Variants in PCDHA7 observed in about 807,000 individuals in gnomAD.
PCDHA7 encodes the protein protocadherin alpha-7.
In PCDHA7, 37 loss-of-function variants were observed where a neutral mutation model predicts 57.2. The observed-to-expected ratio is 0.65, with a 90% CI of 0.50 to 0.85. The LOEUF (loss-of-function observed/expected upper bound fraction) is 0.85. Among genes scored for constraint, PCDHA7 ranks in the 40% least tolerant of loss-of-function variants. The pLI, the probability that PCDHA7 is intolerant of heterozygous loss-of-function variation, is 0.00. For synonymous variants in PCDHA7, 553 were observed against 558.8 expected, an observed-to-expected ratio of 0.99 and a Z score of 0.15; for missense variants, 1,188 against 1,241.8, an observed-to-expected ratio of 0.96 and a Z score of 0.65.
chr5:140,865,528 T>C (rs2048902393), intron 1 of PCDHA7: 1 of 152,220 alleles, frequency 6.6e-6, no homozygotes, highest in Non-Finnish European at 1.5e-5. Context: ...GGAATTCTCT[T>C]CATCCATAGC....
chr5:140,924,293 C>T (rs2081770008), intron 1 of PCDHA7, among the ~76,000 whole-genome samples: 1 of 152,192 alleles, frequency 6.6e-6, no homozygotes, highest in African/African-American at 2.4e-5. Context: ...AATAGGCTGA[C>T]ATGTTTCCTC....
intron 1 of PCDHA7, among the ~76,000 whole-genome samples, chr5:140,964,925 T>C (rs1586044682): frequency 6.6e-6 from 1 of 152,148 alleles, no homozygotes; most frequent in African/African-American, 2.4e-5. Flanking sequence ...ACTGGCTAGG[T>C]AGTGGAGCAT....
intron 1 of PCDHA7, among the ~76,000 whole-genome samples, chr5:140,897,060 A>G (rs2153455161): frequency 6.6e-6 from 1 of 152,068 alleles, no homozygotes; most frequent in East Asian, 1.9e-4. Flanking sequence ...GTCAAATACT[A>G]TGTCTTATTC....
intron 1 of PCDHA7, chr5:140,926,893 A>G: frequency 1.3e-6 from 2 of 1,547,320 alleles, no homozygotes; most frequent in Non-Finnish European, 1.7e-6. Context: ...TAGAGGGAGG[A>G]TGGTGGGCTG....
At chr5:140,902,437 T>A (rs2069464443) in intron 1 of PCDHA7, among the ~76,000 whole-genome samples, 3 of 152,154 alleles carry the variant, frequency 2.0e-5, no homozygotes, top group Admixed American at 2.0e-4. Context: ...GGCATCCTTG[T>A]CATATTCTAG....
chr5:140,952,822 G>A (rs1364476088), intron 1 of PCDHA7, among the ~76,000 whole-genome samples: 3 of 152,184 alleles, frequency 2.0e-5, no homozygotes, highest in Non-Finnish European at 4.4e-5. Context: ...TGTACAGGAA[G>A]CATGATGCTG....
intron 1 of PCDHA7, among the ~76,000 whole-genome samples, chr5:140,873,086 C>A (rs984385666): frequency 1.3e-5 from 2 of 152,240 alleles, no homozygotes; most frequent in African/African-American, 2.4e-5. Flanking sequence ...ATTTCCCCCC[C>A]GTATAGAGGC....
At chr5:140,870,438 C>A in intron 1 of PCDHA7, 1 of 1,614,178 alleles carries the variant, frequency 6.2e-7, no homozygotes, top group Non-Finnish European at 8.5e-7. Context: ...TGGAGGTGGC[C>A]GACGTGAACG....
At chr5:140,971,682 T>C (rs782404162) in intron 1 of PCDHA7, among the ~76,000 whole-genome samples, 5 of 152,156 alleles carry the variant, frequency 3.3e-5, no homozygotes, top group Non-Finnish European at 4.4e-5. Flanking sequence ...AGTAAGGGAA[T>C]TTGTACTCAC....
At chr5:140,967,198 C>T (rs2096112626) in intron 1 of PCDHA7, 9 of 1,613,662 alleles carry the variant, frequency 5.6e-6, no homozygotes, top group South Asian at 1.1e-5. Flanking sequence ...TCAACGACAA[C>T]TCACCGCGTT....
intron 1 of PCDHA7, chr5:140,866,765 C>G (rs1053050045): frequency 6.6e-6 from 1 of 152,122 alleles, no homozygotes; most frequent in Non-Finnish European, 1.5e-5. Context: ...GACATACAGG[C>G]AGATTGTATG....
In PCDHA7 at chr5:141,009,476, C is replaced by G. The variant is rs970744618; in HGVS notation, c.2504-151C>G. ...TTAAACAAATAAATAAATAAGTAAA[C>G]ACTTGCCTTGCCCTCAGACTTGAAC... On this transcript the variant is annotated intron_variant, in intron 3 of 3. Coordinates refer to ENST00000525929, the MANE Select transcript of PCDHA7 (RefSeq NM_018910.3). 2.3e-5 allele frequency: 32 copies of G among 1,420,036 alleles called. No individual in the cohort carries two copies. The East Asian group carries it at 7.2e-4, about 32-fold the overall frequency. 88.0% of individuals were successfully genotyped at this position (1,420,036 alleles called of 1,614,324 possible).
chr5:140,885,293 G>C (rs945786135), intron 1 of PCDHA7, among the ~76,000 whole-genome samples: 8 of 152,122 alleles, frequency 5.3e-5, no homozygotes, highest in Non-Finnish European at 1.5e-5. Context: ...TATAGAGAGA[G>C]ACCTGGTAGG....
intron 1 of PCDHA7, chr5:140,869,456 A>G (rs782269395): frequency 1.9e-6 from 3 of 1,614,072 alleles, no homozygotes; most frequent in Non-Finnish European, 2.5e-6. Flanking sequence ...CAGGTTTTCC[A>G]TGTGAACGTG....
At chr5:140,926,654 C>G (rs2083445492) in intron 1 of PCDHA7, 1 of 514,022 alleles carries the variant, frequency 1.9e-6, no homozygotes, top group Non-Finnish European at 3.1e-6. Flanking sequence ...GCCGGCTCCG[C>G]TTTCCCAGAC....
intron 1 of PCDHA7, chr5:140,883,172 AT>A: frequency 1.2e-6 from 2 of 1,614,038 alleles, no homozygotes; most frequent in Non-Finnish European, 1.7e-6. Flanking sequence ...CAATGGAGAA[AT>A]TAGGACAAAA....
chr5:140,933,332 G>A (rs2089060279), intron 1 of PCDHA7, among the ~76,000 whole-genome samples: 1 of 151,968 alleles, frequency 6.6e-6, no homozygotes, highest in African/African-American at 2.4e-5. Context: ...CTGTGCTGTA[G>A]AGAAAGATAA....
At chr5:140,965,311 T>G (rs1415569065) in intron 1 of PCDHA7, among the ~76,000 whole-genome samples, 1 of 152,180 alleles carries the variant, frequency 6.6e-6, no homozygotes, top group Non-Finnish European at 1.5e-5. Context: ...TTCTACCTTC[T>G]CTTTTACTGA....
chr5:140,885,152 T>C (rs1182560213), intron 1 of PCDHA7, among the ~76,000 whole-genome samples: 1 of 152,206 alleles, frequency 6.6e-6, no homozygotes, highest in African/African-American at 2.4e-5. Context: ...CTGTTTTGAT[T>C]GTCTCTACTT....
Sources: gnomAD v4.1 joint callset for allele counts (sites outside exome capture counted in the v4.1 genomes callset) on GRCh38, gnomAD v4.1.1 for gene constraint, MANE v1.5 for transcripts, NCBI Gene and HGNC (gene_info 2026-07-23, HGNC 2026-07-21) for gene names.